Variants in BARX2 observed in about 807,000 individuals in gnomAD.
BARX2 encodes BARX homeobox 2, also known as homeobox protein BarH-like 2.
Under a neutral mutation model 25.5 loss-of-function variants are expected in BARX2, and 11 were observed. The ratio of observed to expected loss-of-function variants is 0.43; its 90% CI spans 0.27 to 0.71. BARX2 has a LOEUF of 0.71. Ranked by LOEUF, BARX2 falls within the 30% of genes least tolerant of loss-of-function variation. BARX2 has a pLI of 0.19. For missense variants in BARX2, 360 were observed against 359.9 expected (o/e 1.00, Z 0.00); for synonymous variants, 137 against 149.5 (o/e 0.92, Z 0.61).
chr11:129,409,694 A>AT (rs1468699855), intron 1 of BARX2, among the ~76,000 whole-genome samples: 5 of 151,998 alleles, frequency 3.3e-5, no homozygotes, highest in East Asian at 3.9e-4. Flanking sequence ...GCCTGGTTTG[A>AT]TTTTTTCCCC....
rs1862046632 is a variant in BARX2 at position 129,424,925 on chromosome 11, A to G, written c.188-11826A>G. Reference sequence around the variant, plus strand: ...TAGTGAATAGAGACATCTTTACAATATGGAACATTCACTGGATCTGCTAAG... The same window carrying G: ...TAGTGAATAGAGACATCTTTACAATGTGGAACATTCACTGGATCTGCTAAG... On this transcript the variant is annotated intron_variant, in intron 1 of 3. Transcript: ENST00000281437. Among the ~76,000 whole-genome samples the G allele has an allele frequency of 1.3e-5, 2 of 152,232 alleles. 1 individual carries two copies. The highest frequency in any genetic ancestry group is 4.1e-4 in the South Asian group (2 of 4,830).
upstream of BARX2, among the ~76,000 whole-genome samples, chr11:129,375,579 G>C (rs1190920680): frequency 1.3e-5 from 2 of 152,008 alleles, no homozygotes; most frequent in Admixed American, 1.3e-4. This position sits in a 1 kb window ranked among gnomAD's most constrained non-coding sequence, Gnocchi z 4.0. Flanking sequence ...CACACCTGGA[G>C]CGCGTCCCGG....
At chr11:129,433,081 A>C (rs188667413) in intron 1 of BARX2, among the ~76,000 whole-genome samples, 1 of 152,152 alleles carries the variant, frequency 6.6e-6, no homozygotes, top group African/African-American at 2.4e-5. Context: ...TGACTCCTCA[A>C]CATGTGCAAG....
At position 129,401,491 on chromosome 11, in the gene BARX2, TAGAA is replaced by T. The variant is rs1168628652; in HGVS notation, c.187+25273_187+25276del. On this transcript the variant is annotated intron_variant, in intron 1 of 3. Transcript: ENST00000281437. Reference sequence around the variant, plus strand: ...TAATTTAATCATGCAATTTTGTGGTTAGAAAGAGGTTGTAGTGACTATAAATTGA... The same window carrying T: ...TAATTTAATCATGCAATTTTGTGGTTAGAGGTTGTAGTGACTATAAATTGA... Among the ~76,000 whole-genome samples the T allele has an allele frequency of 2.0e-5, 3 of 152,144 alleles. No homozygotes were observed. The East Asian group carries it at 5.8e-4, about 29-fold the overall frequency.
chr11:129,400,642 G>A (rs539224429), intron 1 of BARX2, among the ~76,000 whole-genome samples: 1 of 152,318 alleles, frequency 6.6e-6, no homozygotes, highest in East Asian at 1.9e-4. Context: ...TCACTGAATG[G>A]GTTTAAGCAA....
chr11:129,376,113 G>C lies in BARX2; in HGVS notation c.78G>C (p.Met26Ile). The change falls in exon 1 of 4, where the codon ATG (methionine) becomes ATC (isoleucine). Residue 26 changes from methionine (M) to isoleucine (I), a missense_variant. By Grantham distance (10) the Met-to-Ile change is conservative. This residue lies in a region of BARX2 where 240 missense variants were observed against 228.7 expected (regional missense o/e 1.05). Transcript: ENST00000281437. This position sits in a 1 kb window ranked among gnomAD's most constrained non-coding sequence, Gnocchi z 4.2. Reference sequence around the variant, plus strand: ...CCAGGCGGCGCTACAAGACTTTCATGATCGACGAGATCCTCTCCAAGGAGA... The same window carrying C: ...CCAGGCGGCGCTACAAGACTTTCATCATCGACGAGATCCTCTCCAAGGAGA... ...KAARRRYKTFMIDEILSKETC... is the reference protein window; with the variant it reads ...KAARRRYKTFIIDEILSKETC... 1 of 1,613,278 alleles carries C rather than the reference G, an allele frequency of 6.2e-7. No individual in the cohort carries two copies. Among genetic ancestry groups the C allele is most frequent in the Non-Finnish European group, 8.5e-7 (1 of 1,179,664 alleles).
chr11:129,433,795 G>A (rs1278320039), intron 1 of BARX2, among the ~76,000 whole-genome samples: 5 of 152,146 alleles, frequency 3.3e-5, no homozygotes. Flanking sequence ...ACACTTTGCT[G>A]TATTTTTCAT....
chr11:129,395,476 G>A (rs1216754332), intron 1 of BARX2, among the ~76,000 whole-genome samples: 4 of 152,164 alleles, frequency 2.6e-5, no homozygotes, highest in Admixed American at 2.0e-4. Flanking sequence ...TAGTGAGGTC[G>A]TTTGGATTAG....
intron 1 of BARX2, among the ~76,000 whole-genome samples, chr11:129,409,253 G>T (rs576531982): frequency 6.6e-6 from 1 of 152,318 alleles, no homozygotes; most frequent in East Asian, 1.9e-4. Context: ...ACCGTTCTCT[G>T]CCTTGTGTTT....
chr11:129,429,644 C>T (rs1006534136), intron 1 of BARX2, among the ~76,000 whole-genome samples: 3 of 152,102 alleles, frequency 2.0e-5, no homozygotes, highest in African/African-American at 7.2e-5. Context: ...CCTAAAACCC[C>T]ACAATCATTA....
At chr11:129,445,771 C>T (rs189013639) in intron 3 of BARX2, among the ~76,000 whole-genome samples, 107 of 152,204 alleles carry the variant, frequency 7.0e-4, no homozygotes, top group African/African-American at 1.9e-3. Context: ...TTTCACGGAG[C>T]GGTCAGGGCA....
intron 3 of BARX2, among the ~76,000 whole-genome samples, chr11:129,446,314 A>G (rs1385418084): frequency 2.0e-5 from 3 of 152,136 alleles, no homozygotes; most frequent in African/African-American, 7.2e-5. Flanking sequence ...CACACTATTC[A>G]TGGTCATTAT....
At chr11:129,407,527 G>T (rs559051773) in intron 1 of BARX2, among the ~76,000 whole-genome samples, 1 of 152,080 alleles carries the variant, frequency 6.6e-6, no homozygotes, top group Non-Finnish European at 1.5e-5. Flanking sequence ...TGAGACTTGC[G>T]CTAGGATCAG....
rs747736559 is a variant in BARX2, at chr11:129,436,983, C to T, written c.420C>T (p.Phe140=). The T allele has an allele frequency of 6.2e-7, 1 of 1,609,098 alleles. No homozygotes were observed. Among genetic ancestry groups the T allele is most frequent in the Non-Finnish European group, 8.5e-7 (1 of 1,176,618 alleles). ...AGCCCCGCCGGAGTCGCACCATCTT[C>T]ACCGAGCTGCAGCTCATGGGCCTGG... The part of the protein sequence containing the change: ...QKKPRRSRTI[F]TELQLMGLEK... The change falls in exon 2 of 4, where the codon TTC becomes TTT. Residue 140 remains phenylalanine (F), a synonymous_variant. Coordinates refer to ENST00000281437, the MANE Select transcript of BARX2 (RefSeq NM_003658.5). The surrounding 1 kb of genome is among the most constrained non-coding windows in gnomAD (Gnocchi z 4.5).
rs1862185804 is a variant in BARX2, at chr11:129,436,100, G to A, written c.188-651G>A. 1 of 152,242 alleles carries A rather than the reference G, an allele frequency of 6.6e-6. No individual in the cohort carries two copies. The highest frequency in any genetic ancestry group is 2.4e-5 in the African/African-American group (1 of 41,468). The allele number at this position is 152,242 out of a possible 1,614,324, so 9.4% of individuals were successfully genotyped here. A position where few individuals can be genotyped will look rare whatever the true frequency, so the allele number is the denominator to read the frequency against. Reference sequence around the variant, plus strand: ...ATGATGTATCCATGTGATTCATGATGTGCTGATAGCATGGGACTTCAAGTC... The same window carrying A: ...ATGATGTATCCATGTGATTCATGATATGCTGATAGCATGGGACTTCAAGTC... On this transcript the variant is annotated intron_variant, in intron 1 of 3. Coordinates refer to ENST00000281437, the MANE Select transcript of BARX2 (RefSeq NM_003658.5). This position sits in a 1 kb window ranked among gnomAD's most constrained non-coding sequence, Gnocchi z 4.5.
At chr11:129,409,281 T>A (rs73569157) in intron 1 of BARX2, among the ~76,000 whole-genome samples, 73 of 152,336 alleles carry the variant, frequency 4.8e-4, no homozygotes, top group African/African-American at 1.6e-3. Flanking sequence ...TGAGTGATAG[T>A]CTATCTACTA....
chr11:129,411,388 A>G (rs1325963388), intron 1 of BARX2, among the ~76,000 whole-genome samples: 17 of 151,666 alleles, frequency 1.1e-4, no homozygotes, highest in African/African-American at 3.9e-4. Context: ...AAAAAAAAAA[A>G]AAAGAATTAA....
chr11:129,375,369 T>G (rs534792837), upstream of BARX2, among the ~76,000 whole-genome samples: 5 of 152,238 alleles, frequency 3.3e-5, 2 homozygotes, highest in African/African-American at 1.2e-4. The surrounding 1 kb of genome is among the most constrained non-coding windows in gnomAD (Gnocchi z 4.0). Flanking sequence ...GGGAGCCTAG[T>G]GAGGACTAGA....
At chr11:129,414,079 A>G (rs1461373731) in intron 1 of BARX2, among the ~76,000 whole-genome samples, 1 of 151,232 alleles carries the variant, frequency 6.6e-6, no homozygotes, top group Non-Finnish European at 1.5e-5. Context: ...AAAAAAAAAG[A>G]GAGAGCGGAC....
Sources: gnomAD v4.1 joint callset for allele counts (sites outside exome capture counted in the v4.1 genomes callset) on GRCh38, gnomAD v4.1.1 for gene constraint, gnomAD v4.1.1 regional missense constraint, Gnocchi (gnomAD v3.1) non-coding constraint, MANE v1.5 for transcripts, NCBI Gene and HGNC (gene_info 2026-07-23, HGNC 2026-07-21) for gene names.